Variants in SHC3 observed in about 807,000 individuals in gnomAD.
SHC3 encodes SHC adaptor protein 3.
In SHC3, 15 loss-of-function variants were observed where a neutral mutation model predicts 60.4. That is an observed-to-expected ratio of 0.25 (90% CI 0.17 to 0.38). The LOEUF (loss-of-function observed/expected upper bound fraction) is 0.38, where lower values mean the gene tolerates loss of function less well. Among genes scored for constraint, SHC3 ranks in the 10% least tolerant of loss-of-function variants. The probability of loss-of-function intolerance (pLI) is 1.00; values close to 1 mark genes in which losing one functional copy is unlikely to be tolerated. For missense variants in SHC3, 677 were observed against 786.1 expected (o/e 0.86, Z 1.66); for synonymous variants, 294 against 325.9 (o/e 0.90, Z 1.05).
At chr9:89,077,091 C>T (rs545994218) in intron 3 of SHC3, among the ~76,000 whole-genome samples, 41 of 151,928 alleles carry the variant, frequency 2.7e-4, no homozygotes, top group African/African-American at 9.2e-4. Flanking sequence ...CCAGGAGAAT[C>T]GCTTGAACCC....
At chr9:89,133,604 C>G (rs527771827) in intron 1 of SHC3, among the ~76,000 whole-genome samples, 2 of 152,264 alleles carry the variant, frequency 1.3e-5, no homozygotes, top group Admixed American at 1.3e-4. Flanking sequence ...AGTTCATGTC[C>G]TTTGTAGGGA....
intron 1 of SHC3, among the ~76,000 whole-genome samples, chr9:89,150,899 TTTTTTG>T (rs1199197963): frequency 6.6e-6 from 1 of 152,206 alleles, no homozygotes; most frequent in East Asian, 1.9e-4. Context: ...AATTATAGCT[TTTTTTG>T]TTATACCCTA....
At position 89,177,996 on chromosome 9, in the gene SHC3, G is replaced by A; in HGVS notation, c.465C>T (p.Tyr155=). The A allele has an allele frequency of 8.1e-7, 1 of 1,233,004 alleles. No homozygotes were observed. The highest frequency in any genetic ancestry group is 1.0e-6 in the Non-Finnish European group (1 of 989,074). 76.4% of individuals were successfully genotyped at this position (1,233,004 alleles called of 1,614,324 possible). A position where few individuals can be genotyped will look rare whatever the true frequency, so the allele number is the denominator to read the frequency against. Residue 155 remains tyrosine, a synonymous_variant, in exon 1 of 12, where the codon TAC becomes TAT. Coordinates refer to ENST00000375835, the MANE Select transcript of SHC3 (RefSeq NM_016848.6). ...SDQVLGPGVT[Y]VVKYLGCIEV... Reference sequence around the variant, plus strand: ...CCGCGCCCGCACCCACCTTGACCACGTAGGTGACTCCGGGCCCCAGCACCT... The same window carrying A: ...CCGCGCCCGCACCCACCTTGACCACATAGGTGACTCCGGGCCCCAGCACCT...
At chr9:89,062,745 G>A (rs1319591542) in intron 6 of SHC3, among the ~76,000 whole-genome samples, 1 of 152,176 alleles carries the variant, frequency 6.6e-6, no homozygotes, top group Admixed American at 6.5e-5. Flanking sequence ...GGACTTTTAA[G>A]AGCCCAAATA....
At chr9:89,155,616 C>T (rs1826611490) in intron 1 of SHC3, among the ~76,000 whole-genome samples, 1 of 152,130 alleles carries the variant, frequency 6.6e-6, no homozygotes, top group African/African-American at 2.4e-5. Context: ...CCTAAGTAGC[C>T]CATTGGAGAA....
At chr9:89,045,976 T>A (rs1415359201) in intron 8 of SHC3, 143 bp from the exon 9 acceptor site, 2 of 684,660 alleles carry the variant, frequency 2.9e-6, no homozygotes, top group Non-Finnish European at 4.9e-6. Context: ...TCATGCCTCA[T>A]GGTTGGCATT....
chr9:89,059,028 G>A (rs1367957700), intron 6 of SHC3, among the ~76,000 whole-genome samples: 3 of 150,984 alleles, frequency 2.0e-5, no homozygotes, highest in African/African-American at 7.3e-5. Context: ...CGGTGGTGGA[G>A]AACGTGGTGG....
intron 11 of SHC3, among the ~76,000 whole-genome samples, chr9:89,031,609 A>C (rs1477294408): frequency 6.6e-6 from 1 of 152,204 alleles, no homozygotes; most frequent in Non-Finnish European, 1.5e-5. Flanking sequence ...TATTGTATGG[A>C]TATACGACAT....
intron 10 of SHC3, among the ~76,000 whole-genome samples, chr9:89,041,795 A>C (rs916924859): frequency 3.9e-5 from 6 of 152,206 alleles, no homozygotes; most frequent in Non-Finnish European, 8.8e-5. Context: ...CTTCAAGAGG[A>C]ACGTCAATTC....
intron 5 of SHC3, among the ~76,000 whole-genome samples, chr9:89,069,779 G>GA (rs1174456747): frequency 6.6e-6 from 1 of 152,270 alleles, no homozygotes; most frequent in African/African-American, 2.4e-5. Context: ...GCAGGGCAGG[G>GA]AGAAGTACCA....
intron 11 of SHC3, among the ~76,000 whole-genome samples, chr9:89,015,115 T>C (rs192499209): frequency 6.6e-6 from 1 of 152,222 alleles, no homozygotes; most frequent in East Asian, 1.9e-4. Context: ...TCTACTGAGG[T>C]TGTTTAATTC....
intron 2 of SHC3, among the ~76,000 whole-genome samples, chr9:89,104,130 T>C (rs1039726165): frequency 7.2e-5 from 11 of 152,156 alleles, no homozygotes; most frequent in African/African-American, 2.4e-4. Flanking sequence ...AAGTCATCTA[T>C]GTTCTCCATT....
intron 1 of SHC3, among the ~76,000 whole-genome samples, chr9:89,141,171 A>C (rs998371655): frequency 6.6e-6 from 1 of 152,220 alleles, no homozygotes; most frequent in Non-Finnish European, 1.5e-5. Flanking sequence ...CAGGGAATTG[A>C]CCCTGAAGTT....
intron 6 of SHC3, among the ~76,000 whole-genome samples, chr9:89,059,791 GAC>G (rs1825048781): frequency 7.2e-5 from 2 of 27,854 alleles, no homozygotes; most frequent in Admixed American, 4.4e-4. Flanking sequence ...GGTGGTGGAG[GAC>G]GTTGTGGAGG....
intron 11 of SHC3, among the ~76,000 whole-genome samples, chr9:89,015,905 T>G (rs1826085756): frequency 2.0e-5 from 3 of 152,190 alleles, no homozygotes; most frequent in Non-Finnish European, 1.5e-5. Flanking sequence ...TACTAGAAAT[T>G]AAGAAAAGTC....
chr9:89,055,078 G>A (rs1824926808), intron 6 of SHC3, among the ~76,000 whole-genome samples: 1 of 152,264 alleles, frequency 6.6e-6, no homozygotes, highest in African/African-American at 2.4e-5. Context: ...TTGTGGCTCT[G>A]TAGTCACACT....
chr9:89,026,343 A>G (rs998513117), intron 11 of SHC3, among the ~76,000 whole-genome samples: 1 of 151,814 alleles, frequency 6.6e-6, no homozygotes, highest in Non-Finnish European at 1.5e-5. Flanking sequence ...TTTCATCTGC[A>G]TGGTAAAACC....
chr9:89,137,244 T>C (rs1236884619), intron 1 of SHC3, among the ~76,000 whole-genome samples: 2 of 152,152 alleles, frequency 1.3e-5, no homozygotes, highest in Non-Finnish European at 2.9e-5. Flanking sequence ...TTTTCCACTT[T>C]AGTCCAGATT....
At chr9:89,119,152 AT>A (rs778796880) in intron 1 of SHC3, among the ~76,000 whole-genome samples, 1 of 152,248 alleles carries the variant, frequency 6.6e-6, no homozygotes, top group East Asian at 1.9e-4. Context: ...TTATGTTTAT[AT>A]ATGTGTGTAA....
Sources: allele counts gnomAD v4.1 joint callset (sites outside exome capture counted in the v4.1 genomes callset), GRCh38; gene constraint gnomAD v4.1.1; transcripts MANE v1.5; gene names NCBI Gene and HGNC (gene_info 2026-07-23, HGNC 2026-07-21).